The following DRC10 variants were observed in gnomAD, a reference collection of about 807,000 sequenced individuals.
The protein encoded by DRC10 is dynein regulatory complex subunit 10.
At chr12:113,197,092 T>TG in the DRC10 span, among the ~76,000 whole-genome samples, 1 of 151,684 alleles carries the variant, frequency 6.6e-6, no homozygotes, top group African/African-American at 2.4e-5. Context: ...GTAGGGGTGC[T>TG]GGCAGGAGCC....
At chr12:113,220,349 G>A in the DRC10 span, among the ~76,000 whole-genome samples, 1 of 152,122 alleles carries the variant, frequency 6.6e-6, no homozygotes, top group Non-Finnish European at 1.5e-5. Context: ...TAAGTCTCCC[G>A]GGTTCAAGTG....
the DRC10 span, among the ~76,000 whole-genome samples, chr12:113,210,132 T>C: frequency 1.3e-5 from 2 of 152,210 alleles, no homozygotes; most frequent in Non-Finnish European, 2.9e-5. Context: ...TGAGACTCTG[T>C]TTCAAAAGAT....
the DRC10 span, among the ~76,000 whole-genome samples, chr12:113,197,264 T>C: frequency 6.8e-6 from 1 of 147,670 alleles, no homozygotes; most frequent in African/African-American, 2.5e-5. Flanking sequence ...CTTGAATTAC[T>C]GAGCTCAAGC....
chr12:113,212,015 T>C, the DRC10 span, among the ~76,000 whole-genome samples: 2 of 151,046 alleles, frequency 1.3e-5, no homozygotes, highest in East Asian at 3.9e-4. Flanking sequence ...CAGTGAGCCA[T>C]GATCGCACCA....
the DRC10 span, among the ~76,000 whole-genome samples, chr12:113,213,528 G>A: frequency 0.017 from 2,570 of 152,258 alleles, 56 homozygotes; most frequent in African/African-American, 0.058. Context: ...TATGAGGTAG[G>A]TGCTATTATT....
At chr12:113,195,953 A>G in the DRC10 span, 6 of 1,530,406 alleles carry the variant, frequency 3.9e-6, no homozygotes, top group Non-Finnish European at 5.3e-6. Context: ...CTCCTCCCTG[A>G]GGCCCCCTTA....
At chr12:113,215,849 A>C in the DRC10 span, among the ~76,000 whole-genome samples, 2 of 152,222 alleles carry the variant, frequency 1.3e-5, no homozygotes, top group African/African-American at 4.8e-5. Context: ...GAATGGACAA[A>C]ATCTAGAACA....
the DRC10 span, among the ~76,000 whole-genome samples, chr12:113,199,053 T>TC: frequency 6.6e-6 from 1 of 152,134 alleles, no homozygotes; most frequent in East Asian, 1.9e-4. Context: ...TTCTCATGCC[T>TC]CAGCCTCCCA....
At chr12:113,200,787 T>C in the DRC10 span, 1 of 1,533,702 alleles carries the variant, frequency 6.5e-7, no homozygotes, top group South Asian at 1.2e-5. Flanking sequence ...TTTTCAGTTC[T>C]TGGATCACAA....
the DRC10 span, chr12:113,207,297 G>A: frequency 6.5e-6 from 5 of 769,264 alleles, no homozygotes; most frequent in Middle Eastern, 2.4e-4. Flanking sequence ...GCAGTGAGTC[G>A]AGATTACACC....
chr12:113,218,624 G>A, the DRC10 span, among the ~76,000 whole-genome samples: 1 of 151,420 alleles, frequency 6.6e-6, no homozygotes, highest in Non-Finnish European at 1.5e-5. Flanking sequence ...TGTATTTTTT[G>A]TAGAGATAGG....
chr12:113,208,495 C>T, the DRC10 span: 1 of 360,840 alleles, frequency 2.8e-6, no homozygotes, highest in East Asian at 7.5e-5. Context: ...ACCAGCCAGG[C>T]ATACAGACAG....
At chr12:113,207,616 A>G in the DRC10 span, 5 of 1,614,064 alleles carry the variant, frequency 3.1e-6, no homozygotes, top group African/African-American at 5.3e-5. Flanking sequence ...CAGGCTGTCA[A>G]TAAAATTCTG....
the DRC10 span, among the ~76,000 whole-genome samples, chr12:113,220,175 T>C: frequency 6.6e-6 from 1 of 151,904 alleles, no homozygotes; most frequent in Non-Finnish European, 1.5e-5. Flanking sequence ...GTAGGTACAA[T>C]GAGATCACAT....
the DRC10 span, among the ~76,000 whole-genome samples, chr12:113,198,497 T>G: frequency 1.3e-5 from 2 of 152,148 alleles, no homozygotes; most frequent in African/African-American, 4.8e-5. Flanking sequence ...GGGTGAACCT[T>G]GAAAACACAG....
the DRC10 span, among the ~76,000 whole-genome samples, chr12:113,197,188 C>T: frequency 2.9e-5 from 4 of 139,002 alleles, no homozygotes; most frequent in South Asian, 2.3e-4. Flanking sequence ...TCTAGCCAGT[C>T]GCTTTTTTTT....
At chr12:113,218,896 T>C in the DRC10 span, among the ~76,000 whole-genome samples, 1 of 152,262 alleles carries the variant, frequency 6.6e-6, no homozygotes, top group Non-Finnish European at 1.5e-5. Context: ...GACATTTGGG[T>C]TGTTTCCAGT....
chr12:113,208,050 G>C, the DRC10 span: 52 of 1,614,250 alleles, frequency 3.2e-5, no homozygotes, highest in Middle Eastern at 9.9e-4. Context: ...TGGTCCTAGA[G>C]AGAACCAAGG....
At chr12:113,195,558 C>T in the DRC10 span, 65 of 1,565,620 alleles carry the variant, frequency 4.2e-5, no homozygotes, top group African/African-American at 7.4e-4. Context: ...GGGTCAGGAG[C>T]GGGCTGGGTG....
Sources: gnomAD v4.1 joint callset for allele counts (sites outside exome capture counted in the v4.1 genomes callset) on GRCh38, gnomAD v4.1.1 for gene constraint, MANE v1.5 for transcripts, NCBI Gene and HGNC (gene_info 2026-07-23, HGNC 2026-07-21) for gene names.